The following PDE12 variants were observed in gnomAD, a reference collection of about 807,000 sequenced individuals.
PDE12 encodes phosphodiesterase 12.
PDE12 carries 26 observed loss-of-function variants against 45.4 expected under a neutral mutation model. That is an observed-to-expected ratio of 0.57 (90% CI 0.42 to 0.79). The LOEUF (loss-of-function observed/expected upper bound fraction) is 0.79. PDE12 is among the 30% of genes least tolerant of loss of function. The pLI, the probability that PDE12 is intolerant of heterozygous loss-of-function variation, is 0.00. For missense variants in PDE12, 668 were observed against 790.0 expected (o/e 0.85, Z 1.85); for synonymous variants, 283 against 323.9 (o/e 0.87, Z 1.36).
intron 1 of PDE12, among the ~76,000 whole-genome samples, chr3:57,557,908 A>G (rs2153407389): frequency 6.6e-6 from 1 of 152,334 alleles, no homozygotes; most frequent in Non-Finnish European, 1.5e-5. Flanking sequence ...GCCTTGAACA[A>G]GACTAGCAGG....
the PDE12 span, among the ~76,000 whole-genome samples, chr3:57,607,495 A>G: frequency 6.6e-6 from 1 of 152,008 alleles, no homozygotes; most frequent in Admixed American, 6.6e-5. Flanking sequence ...ACCTTGAAAA[A>G]AGATTAGATG....
At chr3:57,599,380 T>G in the PDE12 span, among the ~76,000 whole-genome samples, 1 of 152,184 alleles carries the variant, frequency 6.6e-6, no homozygotes, top group African/African-American at 2.4e-5. Flanking sequence ...CTTAGTGAGG[T>G]GGAGGCCCCA....
At chr3:57,611,665 C>G in the PDE12 span, among the ~76,000 whole-genome samples, 2 of 152,098 alleles carry the variant, frequency 1.3e-5, no homozygotes, top group Admixed American at 1.3e-4. Context: ...CAAAGAAATG[C>G]AAATCAAAAC....
rs1204164872 is a variant in PDE12, at chr3:57,562,200, A to G, written c.*2196A>G. On this transcript the variant is annotated 3_prime_UTR_variant, in exon 3 of 3. Transcript: ENST00000311180. ...AGAAAAAATTCGAACATGCCCATGA[A>G]AAAAGCATACAGCTTCCACATTAAC... is the stretch of plus-strand genomic sequence containing the variant. The G allele has an allele frequency of 1.3e-6, 1 of 740,798 alleles. No homozygotes were observed. Among genetic ancestry groups the G allele is most frequent in the Non-Finnish European group, 1.6e-6 (1 of 606,960 alleles). The allele number at this position is 740,798 out of a possible 1,614,324, so 45.9% of individuals were successfully genotyped here.
At chr3:57,575,805 C>G in the PDE12 span, 8 of 992,626 alleles carry the variant, frequency 8.1e-6, no homozygotes, top group Non-Finnish European at 9.8e-6. Context: ...ACAAAGTTCA[C>G]TCTTACAACT....
At chr3:57,571,072 T>C (rs1174892814), downstream of PDE12, among the ~76,000 whole-genome samples, 1 of 151,836 alleles carries the variant, frequency 6.6e-6, no homozygotes, top group Non-Finnish European at 1.5e-5. Flanking sequence ...CAAACTCCTA[T>C]TCTCAAGTGA....
chr3:57,632,214 C>T, the PDE12 span, among the ~76,000 whole-genome samples: 6 of 150,456 alleles, frequency 4.0e-5, no homozygotes, highest in African/African-American at 7.3e-5. Flanking sequence ...AGAGACGAGA[C>T]GGGGTTTCAC....
the PDE12 span, chr3:57,633,123 G>T: frequency 1.5e-6 from 1 of 685,002 alleles, no homozygotes; most frequent in Non-Finnish European, 2.5e-6. Context: ...CAGGTCTCTT[G>T]CAAAGGGGTT....
chr3:57,579,806 C>A, the PDE12 span, among the ~76,000 whole-genome samples: 1 of 152,186 alleles, frequency 6.6e-6, no homozygotes, highest in Non-Finnish European at 1.5e-5. Context: ...CTTTAAATAT[C>A]CTATCCTTTG....
the PDE12 span, among the ~76,000 whole-genome samples, chr3:57,617,814 C>T: frequency 1.3e-5 from 2 of 151,484 alleles, no homozygotes; most frequent in Non-Finnish European, 2.9e-5. Flanking sequence ...CTGCAGTGAG[C>T]TGAGATATTG....
At chr3:57,582,353 C>T in the PDE12 span, among the ~76,000 whole-genome samples, 3 of 151,912 alleles carry the variant, frequency 2.0e-5, no homozygotes, top group East Asian at 1.9e-4. Flanking sequence ...AGTGATTCTC[C>T]TGCCTCAGCC....
the PDE12 span, among the ~76,000 whole-genome samples, chr3:57,591,682 G>T: frequency 3.3e-5 from 5 of 152,062 alleles, no homozygotes; most frequent in African/African-American, 1.2e-4. Flanking sequence ...GTCCAGGCTG[G>T]TCTCGAACTC....
the PDE12 span, among the ~76,000 whole-genome samples, chr3:57,635,359 A>C: frequency 0.013 from 1,962 of 152,290 alleles, 46 homozygotes; most frequent in African/African-American, 0.044. Flanking sequence ...GCTATGTTGA[A>C]TAGCTTGTGT....
the PDE12 span, among the ~76,000 whole-genome samples, chr3:57,608,074 G>A: frequency 6.6e-6 from 1 of 152,150 alleles, no homozygotes; most frequent in Non-Finnish European, 1.5e-5. Flanking sequence ...GAGAGTGGGG[G>A]CCAATATTCA....
rs1450913313 is a variant in PDE12 at position 57,563,426 on chromosome 3, T to G, written c.*3422T>G. 6.6e-6 allele frequency: 1 copy of G among 152,220 alleles called. No homozygotes were observed. The highest frequency in any genetic ancestry group is 2.1e-4 in the South Asian group (1 of 4,834). 9.4% of individuals were successfully genotyped at this position (152,220 alleles called of 1,614,324 possible). A position where few individuals can be genotyped will look rare whatever the true frequency, so the allele number is the denominator to read the frequency against. ...TGCAGATTTGTTACATAGGTATACA[T>G]GTGCCATGTTGGTTTGCTGCACCCG... On this transcript the variant is annotated 3_prime_UTR_variant, in exon 3 of 3. Coordinates refer to ENST00000311180, the MANE Select transcript of PDE12 (RefSeq NM_177966.7).
the PDE12 span, among the ~76,000 whole-genome samples, chr3:57,631,503 A>G: frequency 2.9e-4 from 44 of 151,264 alleles, no homozygotes; most frequent in African/African-American, 1.0e-3. Flanking sequence ...AACGCGGTCC[A>G]TTTTTTAACG....
At chr3:57,583,945 G>A in the PDE12 span, 1 of 1,612,034 alleles carries the variant, frequency 6.2e-7, no homozygotes, top group Non-Finnish European at 8.5e-7. Flanking sequence ...ATTCTATCTT[G>A]ACCACCAACA....
At position 57,557,033 on chromosome 3, in the gene PDE12, C is replaced by T. The variant is rs1318366337; in HGVS notation, c.654C>T (p.Pro218=). Residue 218 remains proline, a synonymous_variant, in exon 1 of 3, where the codon CCC becomes CCT. Transcript: ENST00000311180. ...PEVGVPSSLS[P]SSPSSSWTET... is the part of the protein sequence containing the mutation. ...TCGGTGTCCCCTCGTCATTGTCTCC[C>T]TCCTCACCTTCTTCTTCTTGGACTG... The T allele has an allele frequency of 3.7e-6, 6 of 1,614,020 alleles. No individual in the cohort carries two copies. Among genetic ancestry groups the T allele is most frequent in the Non-Finnish European group, 4.2e-6 (5 of 1,180,024 alleles).
the PDE12 span, chr3:57,597,055 C>T: frequency 1.2e-6 from 2 of 1,613,100 alleles, no homozygotes; most frequent in South Asian, 2.2e-5. Flanking sequence ...TCCCGCCTGA[C>T]TCGCAGCCCC....
Sources: allele counts gnomAD v4.1 joint callset (sites outside exome capture counted in the v4.1 genomes callset), GRCh38; gene constraint gnomAD v4.1.1; transcripts MANE v1.5; gene names NCBI Gene and HGNC (gene_info 2026-07-23, HGNC 2026-07-21).